The following ATP13A3 variants were observed in gnomAD, a reference collection of about 807,000 sequenced individuals.
ATP13A3 encodes ATPase 13A3, also known as polyamine-transporting ATPase 13A3.
In ATP13A3, 59 loss-of-function variants were observed where a neutral mutation model predicts 158.1. The observed-to-expected ratio is 0.37, with a 90% CI of 0.30 to 0.46. ATP13A3 has a LOEUF of 0.46. Ranked by LOEUF, ATP13A3 falls within the 20% of genes least tolerant of loss-of-function variation. The pLI is 1.00. For synonymous variants in ATP13A3, 491 were observed against 504.3 expected (o/e 0.97, Z 0.35); for missense variants, 1,166 against 1,525.2 (o/e 0.76, Z 3.92).
intron 31 of ATP13A3, among the ~76,000 whole-genome samples, chr3:194,415,354 T>C (rs554835025): frequency 1.2e-4 from 19 of 152,306 alleles, no homozygotes; most frequent in African/African-American, 4.6e-4. Flanking sequence ...CTGAATGTGG[T>C]ACTATTTCAA....
At chr3:194,406,824 G>A (rs917989945) in intron 33 of ATP13A3, among the ~76,000 whole-genome samples, 3 of 152,136 alleles carry the variant, frequency 2.0e-5, no homozygotes, top group Admixed American at 6.5e-5. Flanking sequence ...TGTCAATTAC[G>A]TCTTTTAAAA....
chr3:194,432,190 G>T (rs1489017102), intron 21 of ATP13A3, among the ~76,000 whole-genome samples: 1 of 152,126 alleles, frequency 6.6e-6, no homozygotes. Context: ...CACAATACCT[G>T]GCACGGTGCT....
rs1714814963 is a variant in ATP13A3, at chr3:194,404,653, T to C, written c.*1266A>G. 2 of 152,240 alleles carry C rather than the reference T, an allele frequency of 1.3e-5. No homozygotes were observed. The allele number at this position is 152,240 out of a possible 1,614,324, so 9.4% of individuals were successfully genotyped here. ...AAAGTTACCTTAATTTTGGCAAGAATTTAAATGTTAATCAGGCCAAACAGA... is the reference window on the plus strand; with the variant it reads ...AAAGTTACCTTAATTTTGGCAAGAACTTAAATGTTAATCAGGCCAAACAGA... On this transcript the variant is annotated 3_prime_UTR_variant, in exon 34 of 34. Coordinates refer to ENST00000645319, the MANE Select transcript of ATP13A3 (RefSeq NM_001367549.1).
intron 29 of ATP13A3, 122 bp from the exon 30 acceptor site, chr3:194,425,651 CA>C: frequency 1.3e-6 from 1 of 742,142 alleles, no homozygotes; most frequent in African/African-American, 1.8e-5. Flanking sequence ...ATATTTACAG[CA>C]AAAGGTCCAA....
At chr3:194,426,869 C>T (rs2108797739) in intron 29 of ATP13A3, among the ~76,000 whole-genome samples, 1 of 152,174 alleles carries the variant, frequency 6.6e-6, no homozygotes, top group South Asian at 2.1e-4. Context: ...ACCATGTTAA[C>T]CAGGCTGGTC....
intron 16 of ATP13A3, among the ~76,000 whole-genome samples, chr3:194,439,768 G>C (rs1717914278): frequency 6.6e-6 from 1 of 152,094 alleles, no homozygotes; most frequent in East Asian, 1.9e-4. Context: ...AGCTCTGGTG[G>C]GATCAAGCAT....
Position 194,412,306 on chromosome 3 carries a change from G to T in ATP13A3, c.3484-18C>A. On this transcript the variant is annotated intron_variant, in intron 32 of 33. Coordinates refer to ENST00000645319, the MANE Select transcript of ATP13A3 (RefSeq NM_001367549.1). ...AAGAAGTTCTGAGAGATATTCCAGT[G>T]AGTTAAGAATTAATAATGACTAAGT... 1 of 1,522,900 alleles carries T rather than the reference G, an allele frequency of 6.6e-7. No individual in the cohort carries two copies. The highest frequency in any genetic ancestry group is 8.8e-7 in the Non-Finnish European group (1 of 1,134,920). The allele number at this position is 1,522,900 out of a possible 1,614,324, so 94.3% of individuals were successfully genotyped here. A position where few individuals can be genotyped will look rare whatever the true frequency, so the allele number is the denominator to read the frequency against.
At chr3:194,413,723 G>T (rs1401691914) in intron 32 of ATP13A3, 36 bp downstream of exon 32, 1 of 1,554,566 alleles carries the variant, frequency 6.4e-7, no homozygotes, top group Admixed American at 1.7e-5. Flanking sequence ...GAATTCCAAA[G>T]CAACATGGTA....
chr3:194,458,253 G>C lies in ATP13A3; in HGVS notation c.480-1079C>G, dbSNP rs145237340. On this transcript the variant is annotated intron_variant, in intron 6 of 33. Coordinates refer to ENST00000645319, the MANE Select transcript of ATP13A3 (RefSeq NM_001367549.1). ...TTAAATTTTTAAGTTTCTATGGCTG[G>C]CAAAAGACACACAGTAAATATGTTT... 2.9e-3 allele frequency among the ~76,000 whole-genome samples: 446 copies of C among 151,756 alleles called. 1 individual carries two copies. The highest frequency in any genetic ancestry group is 0.01 in the African/African-American group (427 of 41,378).
chr3:194,410,320 A>AAC (rs1553794176), intron 33 of ATP13A3, among the ~76,000 whole-genome samples: 2,272 of 125,964 alleles, frequency 0.018, 147 homozygotes, highest in African/African-American at 0.045. Flanking sequence ...AAAAAAAAAA[A>AAC]AAAAAAAAAA....
At chr3:194,411,853 A>G (rs564120845) in intron 33 of ATP13A3, among the ~76,000 whole-genome samples, 38 of 152,336 alleles carry the variant, frequency 2.5e-4, no homozygotes, top group African/African-American at 9.1e-4. Context: ...GACTCATGAA[A>G]AACAAAAACA....
intron 33 of ATP13A3, among the ~76,000 whole-genome samples, chr3:194,409,685 C>T (rs973360381): frequency 3.5e-5 from 4 of 113,492 alleles, no homozygotes; most frequent in Admixed American, 2.5e-4. Flanking sequence ...TAATCACTGA[C>T]GTAAAGAATT....
chr3:194,410,454 G>A (rs1049393329), intron 33 of ATP13A3, among the ~76,000 whole-genome samples: 1 of 151,940 alleles, frequency 6.6e-6, no homozygotes, highest in Admixed American at 6.6e-5. Context: ...TCTAATGCCA[G>A]CTACCCGGGA....
At chr3:194,424,919 G>GTATAAT (rs1716647771) in intron 30 of ATP13A3, among the ~76,000 whole-genome samples, 1 of 152,170 alleles carries the variant, frequency 6.6e-6, no homozygotes, top group Non-Finnish European at 1.5e-5. Flanking sequence ...CGGGAGGAAA[G>GTATAAT]TATAATACCT....
Position 194,441,375 on chromosome 3 carries a change from G to C in ATP13A3, c.1646C>G (p.Thr549Arg). The change falls in exon 16 of 34, where the codon ACA (threonine) becomes AGA (arginine). Residue 549 changes from threonine (T) to arginine (R), a missense_variant. This residue lies in a region of ATP13A3 where 997 missense variants were observed against 1,341.2 expected (regional missense o/e 0.74). Transcript: ENST00000645319. ...ACCAGAGAGCACTCCTTCAATTTTT[G>C]TAAGTGAATGACAAGTAGCCATACA... Reference protein sequence around the residue: ...VACMATCHSLTKIEGVLSGDP... With the variant: ...VACMATCHSLRKIEGVLSGDP... 3 of 1,613,552 alleles carry C rather than the reference G, an allele frequency of 1.9e-6. No individual in the cohort carries two copies. Among genetic ancestry groups the C allele is most frequent in the Admixed American group, 1.7e-5 (1 of 60,014 alleles).
At chr3:194,460,014 GAA>G (rs1361135672) in intron 4 of ATP13A3, 43 bp from the exon 5 acceptor site, 6 of 1,438,630 alleles carry the variant, frequency 4.2e-6, no homozygotes, top group African/African-American at 1.4e-5. Flanking sequence ...CAATTTTATA[GAA>G]AACTGCCTAT....
At chr3:194,478,799 A>G (rs1269413015) in intron 2 of ATP13A3, among the ~76,000 whole-genome samples, 1 of 152,240 alleles carries the variant, frequency 6.6e-6, no homozygotes, top group African/African-American at 2.4e-5. Context: ...GCAATGCAAC[A>G]GCACAGTGTT....
At chr3:194,449,013 A>G (rs945736941) in intron 11 of ATP13A3, among the ~76,000 whole-genome samples, 15 of 151,536 alleles carry the variant, frequency 9.9e-5, no homozygotes, top group African/African-American at 3.6e-4. Flanking sequence ...ACTGTACAGA[A>G]GAGATGTGAG....
chr3:194,417,396 G>GACACACACAT, intron 31 of ATP13A3, among the ~76,000 whole-genome samples: 1 of 118,054 alleles, frequency 8.5e-6, no homozygotes, highest in East Asian at 2.6e-4. Flanking sequence ...GCCAGATTCT[G>GACACACACAT]ACACACACAC....
Sources: gnomAD v4.1 joint callset for allele counts (sites outside exome capture counted in the v4.1 genomes callset) on GRCh38, gnomAD v4.1.1 for gene constraint, gnomAD v4.1.1 regional missense constraint, MANE v1.5 for transcripts, NCBI Gene and HGNC (gene_info 2026-07-23, HGNC 2026-07-21) for gene names.